The following ITGB8 variants were observed in gnomAD, a reference collection of about 807,000 sequenced individuals.
The protein encoded by ITGB8 is integrin beta-8.
A neutral mutation model predicts 89.5 loss-of-function variants in ITGB8; 30 were observed. The observed-to-expected ratio is 0.34, with a 90% confidence interval of 0.25 to 0.45. ITGB8 has a LOEUF of 0.45. Ranked by LOEUF, ITGB8 falls within the 20% of genes least tolerant of loss-of-function variation. ITGB8 has a pLI of 1.00. For synonymous variants in ITGB8, 335 were observed against 320.4 expected (o/e 1.05, Z -0.49); for missense variants, 836 against 933.3 (o/e 0.90, Z 1.36).
At chr7:20,375,019 T>TC (rs1219505695) in intron 3 of ITGB8, among the ~76,000 whole-genome samples, 6 of 152,156 alleles carry the variant, frequency 3.9e-5, no homozygotes, top group Non-Finnish European at 8.8e-5. Flanking sequence ...TATCCCAGTA[T>TC]TCTGGCATGC....
intron 3 of ITGB8, among the ~76,000 whole-genome samples, 175 bp downstream of exon 3, chr7:20,367,361 T>G (rs553283961): frequency 6.6e-6 from 1 of 152,360 alleles, no homozygotes; most frequent in East Asian, 1.9e-4. Context: ...GCCAGCTGTG[T>G]GTCTTCGGAC....
chr7:20,336,044 C>T (rs1232798279), intron 1 of ITGB8, among the ~76,000 whole-genome samples: 3 of 113,932 alleles, frequency 2.6e-5, no homozygotes, highest in African/African-American at 7.0e-5. Flanking sequence ...CTTGCTCTGT[C>T]GCCCAGGCTG....
At chr7:20,409,809 A>T (rs1357902190) in intron 13 of ITGB8, 31 bp downstream of exon 13, 2 of 1,611,182 alleles carry the variant, frequency 1.2e-6, no homozygotes, top group Non-Finnish European at 1.7e-6. Flanking sequence ...AACTGCTAAC[A>T]GTATGTTATT....
intron 1 of ITGB8, among the ~76,000 whole-genome samples, chr7:20,333,907 A>G (rs1156267178): frequency 2.3e-5 from 2 of 85,960 alleles, no homozygotes; most frequent in South Asian, 2.6e-4. Context: ...GTCTCAAATT[A>G]TATGTCTTTA....
intron 1 of ITGB8, among the ~76,000 whole-genome samples, chr7:20,359,954 C>G (rs1332725913): frequency 6.6e-6 from 1 of 152,174 alleles, no homozygotes; most frequent in East Asian, 1.9e-4. Flanking sequence ...TGACCTTCCT[C>G]TAGTCCTGCA....
At chr7:20,330,258 C>G (rs928640970), upstream of ITGB8, among the ~76,000 whole-genome samples, 2 of 152,150 alleles carry the variant, frequency 1.3e-5, no homozygotes, top group Non-Finnish European at 2.9e-5. Context: ...CCGGGGCAGC[C>G]TTGTGGTGGG....
At chr7:20,359,317 A>C (rs966838355) in intron 1 of ITGB8, among the ~76,000 whole-genome samples, 36 of 152,244 alleles carry the variant, frequency 2.4e-4, no homozygotes, top group Non-Finnish European at 3.4e-4. Flanking sequence ...AATAAAAAAT[A>C]ATCCTTATTA....
At chr7:20,330,406 G>C (rs3757721), upstream of ITGB8, among the ~76,000 whole-genome samples, 15 of 152,286 alleles carry the variant, frequency 9.8e-5, no homozygotes, top group East Asian at 2.9e-3. Context: ...GCAGCGCGGG[G>C]GTGAGAGATT....
intron 2 of ITGB8, among the ~76,000 whole-genome samples, chr7:20,364,264 G>C (rs971788343): frequency 1.3e-5 from 2 of 152,090 alleles, no homozygotes; most frequent in African/African-American, 4.8e-5. Flanking sequence ...GAAGCGATCT[G>C]CTAATCTGGG....
intron 3 of ITGB8, among the ~76,000 whole-genome samples, chr7:20,377,076 G>T (rs1201123535): frequency 2.0e-5 from 3 of 152,120 alleles, no homozygotes; most frequent in Admixed American, 2.0e-4. Flanking sequence ...CATTTGGTTG[G>T]AGGGCCCTGA....
chr7:20,390,123 C>T (rs544930944), intron 6 of ITGB8, among the ~76,000 whole-genome samples: 3 of 152,186 alleles, frequency 2.0e-5, no homozygotes, highest in Non-Finnish European at 2.9e-5. Context: ...GAAATGTTTA[C>T]CAAGTTGGTT....
chr7:20,390,888 T>TTA (rs528814515), intron 6 of ITGB8, among the ~76,000 whole-genome samples: 81 of 152,116 alleles, frequency 5.3e-4, no homozygotes, highest in Middle Eastern at 3.4e-3. Flanking sequence ...CTATATCATG[T>TTA]TATATATATA....
At position 20,402,689 on chromosome 7, in the gene ITGB8, T is replaced by C. The variant is rs1787365448; in HGVS notation, c.1687+563T>C. Among the ~76,000 whole-genome samples the C allele has an allele frequency of 3.3e-5, 5 of 152,236 alleles. No homozygotes were observed. The South Asian group carries it at 1.0e-3, about 31-fold the overall frequency. On this transcript the variant is annotated intron_variant, in intron 10 of 13. Coordinates refer to ENST00000222573, the MANE Select transcript of ITGB8 (RefSeq NM_002214.3). ...ACAAAACTGCCAAAGGACAGCATTC[T>C]TCAAGAAAATACTGCCTTACTAAGT...
intron 3 of ITGB8, among the ~76,000 whole-genome samples, chr7:20,372,851 TATTAA>T (rs772905875): frequency 1.3e-5 from 2 of 152,170 alleles, no homozygotes; most frequent in African/African-American, 4.8e-5. Context: ...AGCAAATATT[TATTAA>T]ATTAAACTGA....
In ITGB8 at chr7:20,401,988, C is replaced by G. The variant is rs1347981355; in HGVS notation, c.1549C>G (p.Gln517Glu). 3 of 1,614,142 alleles carry G rather than the reference C, an allele frequency of 1.9e-6. No individual in the cohort carries two copies. Among genetic ancestry groups the G allele is most frequent in the Non-Finnish European group, 2.5e-6 (3 of 1,180,002 alleles). ...TGAGAGTTGCAAGTCACACAAGGAT[C>G]AGCCTGTTTGCAGTGGTCGAGGAGT... ...SSESCKSHKDQPVCSGRGVCV... is the reference protein window; with the variant it reads ...SSESCKSHKDEPVCSGRGVCV... The change falls in exon 10 of 14, where the codon CAG becomes GAG. Residue 517 changes from glutamine (Q) to glutamate (E), a missense_variant. Coordinates refer to ENST00000222573, the MANE Select transcript of ITGB8 (RefSeq NM_002214.3).
intron 3 of ITGB8, among the ~76,000 whole-genome samples, chr7:20,371,609 AATATC>A (rs1332723396): frequency 6.6e-6 from 1 of 152,216 alleles, no homozygotes; most frequent in African/African-American, 2.4e-5. Context: ...TCCTGAATAT[AATATC>A]ATAACAATGA....
At chr7:20,337,006 G>C (rs890184575) in intron 1 of ITGB8, among the ~76,000 whole-genome samples, 2 of 152,274 alleles carry the variant, frequency 1.3e-5, no homozygotes, top group East Asian at 3.9e-4. Context: ...ACTTGTTTCT[G>C]TTTTCCCAGA....
At chr7:20,405,327 AT>A (rs1554314517) in intron 11 of ITGB8, among the ~76,000 whole-genome samples, 48 of 139,234 alleles carry the variant, frequency 3.4e-4, no homozygotes, top group Middle Eastern at 3.5e-3. Flanking sequence ...ATATATATAT[AT>A]TTTTTTTTTG....
At chr7:20,406,812 C>A (rs1787563042) in intron 12 of ITGB8, among the ~76,000 whole-genome samples, 1 of 152,104 alleles carries the variant, frequency 6.6e-6, no homozygotes, top group African/African-American at 2.4e-5. Flanking sequence ...TGTCTTAGAT[C>A]AAGATCTTCA....
Sources: gnomAD v4.1 joint callset for allele counts (sites outside exome capture counted in the v4.1 genomes callset) on GRCh38, gnomAD v4.1.1 for gene constraint, MANE v1.5 for transcripts, NCBI Gene and HGNC (gene_info 2026-07-23, HGNC 2026-07-21) for gene names.